The following SLC37A1 variants were observed in gnomAD, a reference collection of about 807,000 sequenced individuals.
The protein encoded by SLC37A1 is glucose-6-phosphate exchanger SLC37A1.
A neutral mutation model predicts 75.3 loss-of-function variants in SLC37A1; 49 were observed. The ratio of observed to expected loss-of-function variants is 0.65; its 90% confidence interval spans 0.52 to 0.83. The LOEUF (loss-of-function observed/expected upper bound fraction) is 0.83, where lower values mean the gene tolerates loss of function less well. SLC37A1 is among the 40% of genes least tolerant of loss of function. The pLI is 0.00. For synonymous variants in SLC37A1, 268 were observed against 292.1 expected (o/e 0.92, Z 0.84); for missense variants, 566 against 695.0 (o/e 0.81, Z 2.09).
In SLC37A1 at chr21:42,579,728, T is replaced by C. The variant is rs139195662; in HGVS notation, c.1522-8T>C. On this transcript the variant is annotated splice_region_variant and splice_polypyrimidine_tract_variant and intron_variant, in intron 18 of 19. Transcript: ENST00000352133. ...GTAACAGGTGGGCTCACCTTTGTTT[T>C]GGTGCAGTTCCTGATCCGCCTCATA... The C allele has an allele frequency of 7.1e-5, 114 of 1,614,152 alleles. No homozygotes were observed. The East Asian group carries it at 2.3e-3, about 33-fold the overall frequency.
intron 16 of SLC37A1, among the ~76,000 whole-genome samples, chr21:42,567,322 T>G (rs1359792330): frequency 1.3e-5 from 2 of 152,196 alleles, no homozygotes; most frequent in Admixed American, 1.3e-4. Context: ...AGGCGCCTTT[T>G]CAATCCAAGG....
chr21:42,575,157 G>A (rs2056279188), intron 18 of SLC37A1: 18 of 985,114 alleles, frequency 1.8e-5, no homozygotes, highest in Non-Finnish European at 2.0e-5. Context: ...CCAGGAGCGT[G>A]GAGCTCCGTG....
chr21:42,572,253 C>T (rs2056191649), intron 17 of SLC37A1, among the ~76,000 whole-genome samples: 1 of 152,150 alleles, frequency 6.6e-6, no homozygotes, highest in South Asian at 2.1e-4. Context: ...TCTCCAGGTT[C>T]CCTTCCTTAC....
At chr21:42,550,348 C>T (rs909344065) in intron 9 of SLC37A1, among the ~76,000 whole-genome samples, 7 of 152,188 alleles carry the variant, frequency 4.6e-5, no homozygotes, top group African/African-American at 1.4e-4. Flanking sequence ...AATTAGAAAA[C>T]TTTGAATAAA....
chr21:42,509,507 C>G (rs994140780), upstream of SLC37A1: 24 of 152,270 alleles, frequency 1.6e-4, no homozygotes, highest in African/African-American at 5.1e-4. The surrounding 1 kb of genome is among the most constrained non-coding windows in gnomAD (Gnocchi z 4.2). Context: ...GGCCAGTCTC[C>G]TCACTGGGCT....
intron 17 of SLC37A1, 83 bp from the exon 18 acceptor site, chr21:42,574,735 T>G: frequency 6.8e-6 from 9 of 1,319,840 alleles, no homozygotes; most frequent in Non-Finnish European, 9.7e-6. Flanking sequence ...AGTGAGGTGT[T>G]GAGCCCCATT....
chr21:42,526,685 A>G (rs1054254059), intron 3 of SLC37A1, among the ~76,000 whole-genome samples: 1 of 152,228 alleles, frequency 6.6e-6, no homozygotes, highest in Non-Finnish European at 1.5e-5. Context: ...TGACGGTCCT[A>G]GGTTCCCCAC....
At chr21:42,517,089 G>C (rs559324960) in intron 1 of SLC37A1, among the ~76,000 whole-genome samples, 55 of 152,286 alleles carry the variant, frequency 3.6e-4, no homozygotes, top group Admixed American at 2.4e-3. Flanking sequence ...CTGCAGTCCC[G>C]GGCCTTCCTC....
At chr21:42,510,648 G>T (rs2054424426), upstream of SLC37A1, among the ~76,000 whole-genome samples, 1 of 151,814 alleles carries the variant, frequency 6.6e-6, no homozygotes, top group Admixed American at 6.6e-5. Context: ...ATACACATAG[G>T]CTGAAAGTAA....
At chr21:42,541,869 G>A (rs2055291271) in intron 6 of SLC37A1, among the ~76,000 whole-genome samples, 1 of 152,134 alleles carries the variant, frequency 6.6e-6, no homozygotes, top group Non-Finnish European at 1.5e-5. Context: ...AGCTTCTTGA[G>A]TAGCTTGGAC....
intron 17 of SLC37A1, among the ~76,000 whole-genome samples, chr21:42,570,178 C>T (rs111845267): frequency 0.15 from 7,337 of 47,344 alleles, 2,555 homozygotes; most frequent in Admixed American, 0.27. Flanking sequence ...GTGGCCATTG[C>T]CATGTGACAC....
At chr21:42,576,589 A>T (rs2056315319) in intron 18 of SLC37A1, among the ~76,000 whole-genome samples, 1 of 152,242 alleles carries the variant, frequency 6.6e-6, no homozygotes, top group Admixed American at 6.5e-5. Flanking sequence ...ACTGCAGATA[A>T]AAGAGTTATG....
intron 2 of SLC37A1, among the ~76,000 whole-genome samples, chr21:42,521,049 G>A (rs1208862029): frequency 6.6e-6 from 1 of 152,224 alleles, no homozygotes; most frequent in East Asian, 1.9e-4. Context: ...GGTGGAGCGG[G>A]GATGTGGAGC....
At chr21:42,506,779 A>G (rs1269432380) in intron 2 of SLC37A1, among the ~76,000 whole-genome samples, 2 of 152,106 alleles carry the variant, frequency 1.3e-5, no homozygotes, top group African/African-American at 2.4e-5. Context: ...TCCAAGTCCC[A>G]TGCCTTTTTT....
upstream of SLC37A1, among the ~76,000 whole-genome samples, chr21:42,512,784 TG>T (rs1361818384): frequency 3.3e-5 from 5 of 152,196 alleles, no homozygotes; most frequent in African/African-American, 1.2e-4. Flanking sequence ...AACAAAGTGA[TG>T]GATTTCACGC....
intron 11 of SLC37A1, among the ~76,000 whole-genome samples, chr21:42,560,012 G>A (rs1286523909): frequency 6.6e-6 from 1 of 152,152 alleles, no homozygotes; most frequent in African/African-American, 2.4e-5. Context: ...ACAGGCGGGA[G>A]AAGCCCTCAG....
intron 2 of SLC37A1, among the ~76,000 whole-genome samples, chr21:42,505,050 C>T (rs191736659): frequency 1.1e-4 from 16 of 152,340 alleles, no homozygotes; most frequent in South Asian, 2.1e-4. Flanking sequence ...GCCAAGAAGA[C>T]GCCAACAGCC....
chr21:42,531,773 T>C (rs2054988683), intron 3 of SLC37A1, among the ~76,000 whole-genome samples: 1 of 152,210 alleles, frequency 6.6e-6, no homozygotes, highest in Non-Finnish European at 1.5e-5. Flanking sequence ...ATAGAAATAC[T>C]GAAATATAGC....
chr21:42,508,229 A>C (rs2046756570), intron 2 of SLC37A1, among the ~76,000 whole-genome samples: 1 of 149,988 alleles, frequency 6.7e-6, no homozygotes. Flanking sequence ...CCCGGGTTCA[A>C]GCAATTCTTC....
Sources: allele counts gnomAD v4.1 joint callset (sites outside exome capture counted in the v4.1 genomes callset), GRCh38; gene constraint gnomAD v4.1.1; non-coding constraint Gnocchi (gnomAD v3.1); transcripts MANE v1.5; gene names NCBI Gene and HGNC (gene_info 2026-07-23, HGNC 2026-07-21).